Variants in TNS3 observed in about 807,000 individuals in gnomAD.
The protein encoded by TNS3 is tensin-3.
Under a neutral mutation model 140.9 loss-of-function variants are expected in TNS3, and 45 were observed. The observed-to-expected ratio is 0.32, with a 90% confidence interval of 0.25 to 0.41. The LOEUF (loss-of-function observed/expected upper bound fraction) is 0.41. Among genes scored for constraint, TNS3 ranks in the 10% least tolerant of loss-of-function variants. TNS3 has a pLI of 1.00. For missense variants in TNS3, 1,716 were observed against 1,906.7 expected (o/e 0.90, Z 1.86); for synonymous variants, 815 against 788.4 (o/e 1.03, Z -0.56).
intron 3 of TNS3, among the ~76,000 whole-genome samples, chr7:47,490,487 T>C (rs946992723): frequency 2.0e-5 from 3 of 152,250 alleles, no homozygotes; most frequent in East Asian, 1.9e-4. Flanking sequence ...TCTGTCCCTG[T>C]TCCTCTTGAG....
chr7:47,400,993 G>A, intron 13 of TNS3, 79 bp from the exon 14 acceptor site: 1 of 1,581,924 alleles, frequency 6.3e-7, no homozygotes, highest in Non-Finnish European at 8.6e-7. Flanking sequence ...ACTCCGCGGA[G>A]GCCGGCACAG....
chr7:47,507,013 A>G, intron 2 of TNS3, 69 bp from the exon 3 acceptor site: 1 of 1,214,874 alleles, frequency 8.2e-7, no homozygotes, highest in Non-Finnish European at 1.1e-6. Flanking sequence ...TACATCTTCA[A>G]ACCCTCTCAA....
intron 20 of TNS3, among the ~76,000 whole-genome samples, chr7:47,334,850 G>A (rs1016851616): frequency 1.4e-4 from 21 of 151,976 alleles, no homozygotes; most frequent in African/African-American, 4.6e-4. Flanking sequence ...CTCATGATCC[G>A]CCTGCCTTGG....
chr7:47,531,224 T>C (rs1053013717), intron 1 of TNS3, among the ~76,000 whole-genome samples: 1 of 151,978 alleles, frequency 6.6e-6, no homozygotes, highest in African/African-American at 2.4e-5. Flanking sequence ...TTTACCTATA[T>C]AATAAACCTG....
chr7:47,432,556 G>A (rs186110878), intron 8 of TNS3, among the ~76,000 whole-genome samples: 83 of 152,344 alleles, frequency 5.4e-4, no homozygotes, highest in African/African-American at 1.7e-3. Context: ...CCAGAAAGCT[G>A]AAGAAATGCA....
At chr7:47,476,367 A>T (rs1797195176) in intron 4 of TNS3, among the ~76,000 whole-genome samples, 1 of 152,148 alleles carries the variant, frequency 6.6e-6, no homozygotes, top group African/African-American at 2.4e-5. Flanking sequence ...GTACACATAC[A>T]CGTAGACTTA....
chr7:47,500,240 G>C (rs936881801), intron 3 of TNS3, among the ~76,000 whole-genome samples: 6 of 152,190 alleles, frequency 3.9e-5, no homozygotes, highest in African/African-American at 1.2e-4. Flanking sequence ...GTGCACGGCC[G>C]AGAGCTACCC....
intron 20 of TNS3, among the ~76,000 whole-genome samples, chr7:47,318,511 A>G (rs1787542171): frequency 6.6e-6 from 1 of 152,224 alleles, no homozygotes; most frequent in Admixed American, 6.5e-5. Context: ...ACAGACAGGA[A>G]TGCACCAGCA....
In TNS3 at chr7:47,499,899, T is replaced by A. The variant is rs373006790; in HGVS notation, c.-115+7008A>T. Reference sequence around the variant, plus strand: ...AATTCTAACAAATGTGCTGTTCTGGTGCGGCGATGCTGACGGCAGGAGAGT... The same window carrying A: ...AATTCTAACAAATGTGCTGTTCTGGAGCGGCGATGCTGACGGCAGGAGAGT... On this transcript the variant is annotated intron_variant, in intron 3 of 30. Transcript: ENST00000311160. Among the ~76,000 whole-genome samples, 141 of 152,180 alleles carry A rather than the reference T, an allele frequency of 9.3e-4. No individual in the cohort carries two copies. In the South Asian group the frequency reaches 0.024, roughly 26 times the overall value.
chr7:47,427,472 C>T (rs975241658), intron 9 of TNS3, among the ~76,000 whole-genome samples: 1 of 152,158 alleles, frequency 6.6e-6, no homozygotes, highest in Non-Finnish European at 1.5e-5. Context: ...TCAGGCTTTA[C>T]AAAGAGGCCA....
intron 16 of TNS3, among the ~76,000 whole-genome samples, chr7:47,372,843 T>C (rs1368493343): frequency 1.3e-5 from 2 of 152,170 alleles, no homozygotes; most frequent in Non-Finnish European, 2.9e-5. Flanking sequence ...CATACATAGG[T>C]AGTTTTCTAC....
At chr7:47,575,765 G>C (rs559466234) in intron 1 of TNS3, among the ~76,000 whole-genome samples, 1 of 136,246 alleles carries the variant, frequency 7.3e-6, no homozygotes, top group Non-Finnish European at 1.5e-5. Context: ...AGATCTTGCA[G>C]TAAGCTGAGA....
At chr7:47,426,225 C>T (rs578069357) in intron 9 of TNS3, among the ~76,000 whole-genome samples, 116 of 152,088 alleles carry the variant, frequency 7.6e-4, no homozygotes, top group African/African-American at 2.7e-3. Context: ...GAGGTTACAG[C>T]GAACCAAGAT....
chr7:47,549,530 T>A (rs1387003622), intron 1 of TNS3, among the ~76,000 whole-genome samples: 1 of 152,006 alleles, frequency 6.6e-6, no homozygotes, highest in Non-Finnish European at 1.5e-5. Context: ...CACAGACCAA[T>A]GTGATCTAGC....
Position 47,389,154 on chromosome 7 carries a change from A to AAGAAGCAGCAGC in TNS3, c.1024+7645_1024+7646insGCTGCTGCTTCT, listed in dbSNP as rs1340201271. The stretch of plus-strand genomic sequence containing the variant: ...GAAGAAGAAGAAGAAGAAGAAGAAG[A>AAGAAGCAGCAGC]AGCAGAAGAAGCAGCAGAAGCAGAA... On this transcript the variant is annotated intron_variant, in intron 16 of 30. Coordinates refer to ENST00000311160, the MANE Select transcript of TNS3 (RefSeq NM_022748.12). 3.6e-5 allele frequency among the ~76,000 whole-genome samples: 3 copies of AAGAAGCAGCAGC among 82,208 alleles called. 1 individual carries two copies. The highest frequency in any genetic ancestry group is 1.3e-4 in the African/African-American group (3 of 23,664). The allele number at this position is 82,208 out of a possible 152,430, so 53.9% of individuals were successfully genotyped here.
chr7:47,438,765 T>C (rs1795316688), intron 6 of TNS3, among the ~76,000 whole-genome samples: 1 of 152,086 alleles, frequency 6.6e-6, no homozygotes, highest in Non-Finnish European at 1.5e-5. Context: ...AGGAAGACAA[T>C]GAACACCTTG....
intron 1 of TNS3, among the ~76,000 whole-genome samples, chr7:47,533,877 C>T (rs1306246449): frequency 6.6e-6 from 1 of 152,142 alleles, no homozygotes; most frequent in African/African-American, 2.4e-5. Context: ...CTCCCCAGCA[C>T]GTGGAACTGT....
At chr7:47,496,978 A>G (rs893400424) in intron 3 of TNS3, among the ~76,000 whole-genome samples, 7 of 152,152 alleles carry the variant, frequency 4.6e-5, no homozygotes, top group African/African-American at 1.7e-4. Context: ...AGCAAGAGGC[A>G]CTTGGATTCC....
chr7:47,555,119 G>T (rs1800161579), intron 1 of TNS3, among the ~76,000 whole-genome samples: 1 of 152,114 alleles, frequency 6.6e-6, no homozygotes. Flanking sequence ...ACACAAATGT[G>T]GTCGGGCGTG....
Sources: gnomAD v4.1 joint callset for allele counts (sites outside exome capture counted in the v4.1 genomes callset) on GRCh38, gnomAD v4.1.1 for gene constraint, MANE v1.5 for transcripts, NCBI Gene and HGNC (gene_info 2026-07-23, HGNC 2026-07-21) for gene names.